SOX6: variants seen among roughly 807,000 people sequenced by gnomAD.
SOX6 encodes SRY-box transcription factor 6, also known as transcription factor SOX-6.
In SOX6, 11 loss-of-function variants were observed where a neutral mutation model predicts 97.8. That is an observed-to-expected ratio of 0.11 (90% CI 0.07 to 0.19). The LOEUF (loss-of-function observed/expected upper bound fraction) is 0.19. Among genes scored for constraint, SOX6 ranks in the 10% least tolerant of loss-of-function variants. SOX6 has a pLI of 1.00. For missense variants in SOX6, 810 were observed against 1,039.5 expected, an observed-to-expected ratio of 0.78 and a Z score of 3.04; for synonymous variants, 360 against 371.4, an observed-to-expected ratio of 0.97 and a Z score of 0.35.
At chr11:16,218,990 T>G (rs117570127) in intron 4 of SOX6, among the ~76,000 whole-genome samples, 482 of 152,196 alleles carry the variant, frequency 3.2e-3, no homozygotes, top group Non-Finnish European at 5.2e-3. Flanking sequence ...CTTCTTATTT[T>G]CAGAACCTTT....
At chr11:16,021,465 A>T (rs1236068208) in intron 12 of SOX6, among the ~76,000 whole-genome samples, 1 of 152,124 alleles carries the variant, frequency 6.6e-6, no homozygotes, top group African/African-American at 2.4e-5. Flanking sequence ...TAGTAATTTA[A>T]TGAATGATCA....
At chr11:16,294,192 T>C (rs1854999444) in intron 3 of SOX6, among the ~76,000 whole-genome samples, 1 of 152,050 alleles carries the variant, frequency 6.6e-6, no homozygotes, top group South Asian at 2.1e-4. Context: ...AGATACTCAA[T>C]GGACCCTTCA....
intron 4 of SOX6, among the ~76,000 whole-genome samples, chr11:16,556,406 C>T (rs1847748975): frequency 6.6e-6 from 1 of 151,686 alleles, no homozygotes; most frequent in Admixed American, 6.6e-5. Flanking sequence ...ATCACATTTT[C>T]CACACTTCCT....
chr11:16,089,618 G>A (rs1264010675), intron 9 of SOX6, among the ~76,000 whole-genome samples: 1 of 152,046 alleles, frequency 6.6e-6, no homozygotes, highest in African/African-American at 2.4e-5. Context: ...TTTTCCCTGA[G>A]TTTACCTGTA....
At chr11:16,557,806 A>G (rs566467284) in intron 4 of SOX6, among the ~76,000 whole-genome samples, 1 of 151,994 alleles carries the variant, frequency 6.6e-6, no homozygotes, top group South Asian at 2.1e-4. Context: ...AGGCAGCACA[A>G]GAATTGTTCC....
At chr11:16,339,574 C>A (rs1856563826) in intron 2 of SOX6, among the ~76,000 whole-genome samples, 1 of 151,954 alleles carries the variant, frequency 6.6e-6, no homozygotes, top group African/African-American at 2.4e-5. Context: ...GCATTCTGTT[C>A]TTTCTCCTCA....
At chr11:16,370,556 C>T (rs1857473474) in intron 1 of SOX6, among the ~76,000 whole-genome samples, 1 of 152,082 alleles carries the variant, frequency 6.6e-6, no homozygotes, top group Non-Finnish European at 1.5e-5. Flanking sequence ...CATATCTGTA[C>T]ACTCTCATAG....
intron 1 of SOX6, among the ~76,000 whole-genome samples, chr11:16,463,569 A>T (rs1350222813): frequency 6.6e-6 from 1 of 152,236 alleles, no homozygotes; most frequent in Non-Finnish European, 1.5e-5. Context: ...CACAATGTCT[A>T]GCACATACAG....
intron 1 of SOX6, among the ~76,000 whole-genome samples, chr11:16,428,986 T>A (rs1445955969): frequency 6.6e-6 from 1 of 152,084 alleles, no homozygotes; most frequent in Non-Finnish European, 1.5e-5. Context: ...TTTGTTTGTA[T>A]CCTCTTTTAT....
chr11:16,586,240 G>C (rs908124858), intron 4 of SOX6, among the ~76,000 whole-genome samples: 10 of 151,708 alleles, frequency 6.6e-5, no homozygotes, highest in Non-Finnish European at 1.5e-4. Flanking sequence ...GGCCTCAGTG[G>C]CCTCCCTGTA....
chr11:16,393,612 A>G (rs751414749), intron 1 of SOX6, among the ~76,000 whole-genome samples: 1 of 152,000 alleles, frequency 6.6e-6, no homozygotes, highest in East Asian at 1.9e-4. Context: ...AAATTATGCT[A>G]TTTCATTCTT....
At chr11:16,495,915 C>G (rs1032906282) in intron 4 of SOX6, among the ~76,000 whole-genome samples, 1 of 152,178 alleles carries the variant, frequency 6.6e-6, no homozygotes, top group Admixed American at 6.5e-5. Flanking sequence ...CAAAATATCA[C>G]CACAGCCTCC....
intron 9 of SOX6, among the ~76,000 whole-genome samples, chr11:16,092,890 A>T (rs770410776): frequency 1.3e-5 from 2 of 151,412 alleles, no homozygotes; most frequent in Non-Finnish European, 3.0e-5. Context: ...TTCCCACGAC[A>T]ATATTTCTTC....
intron 1 of SOX6, among the ~76,000 whole-genome samples, chr11:16,362,473 A>G (rs1857234312): frequency 1.3e-5 from 2 of 152,168 alleles, no homozygotes; most frequent in Admixed American, 1.3e-4. Context: ...CCCATGACTC[A>G]ATTCAGGGAA....
At chr11:16,292,821 G>C (rs1025600567) in intron 3 of SOX6, among the ~76,000 whole-genome samples, 1 of 152,186 alleles carries the variant, frequency 6.6e-6, no homozygotes, top group Non-Finnish European at 1.5e-5. Context: ...CTGGTACAGA[G>C]AGGGAACCCG....
intron 10 of SOX6, among the ~76,000 whole-genome samples, chr11:16,053,563 G>T (rs1024855589): frequency 1.3e-5 from 2 of 152,102 alleles, no homozygotes; most frequent in Non-Finnish European, 2.9e-5. Context: ...GTTTTTTTCA[G>T]AGGAGAAAAC....
At chr11:16,392,608 TG>T (rs769502493) in intron 1 of SOX6, among the ~76,000 whole-genome samples, 1 of 152,138 alleles carries the variant, frequency 6.6e-6, no homozygotes, top group Non-Finnish European at 1.5e-5. Context: ...TTTCCAGATC[TG>T]GACCCTGTGG....
At chr11:16,595,636 A>C (rs1848204709) in intron 4 of SOX6, among the ~76,000 whole-genome samples, 1 of 150,346 alleles carries the variant, frequency 6.7e-6, no homozygotes, top group Non-Finnish European at 1.5e-5. Flanking sequence ...TTAGCCAGGC[A>C]TGGTGATGGG....
At chr11:16,692,405 T>C (rs1440657593) in intron 3 of SOX6, among the ~76,000 whole-genome samples, 7 of 152,004 alleles carry the variant, frequency 4.6e-5, no homozygotes, top group Non-Finnish European at 7.4e-5. Context: ...GAATCCCCCT[T>C]AGATATTTTT....
Sources: allele counts gnomAD v4.1 joint callset (sites outside exome capture counted in the v4.1 genomes callset), GRCh38; gene constraint gnomAD v4.1.1; transcripts MANE v1.5; gene names NCBI Gene and HGNC (gene_info 2026-07-23, HGNC 2026-07-21).